CFAP92: variants seen among roughly 807,000 people sequenced by gnomAD.
CFAP92 encodes the protein cilia and flagella associated protein 92 (putative), also known as uncharacterized protein CFAP92.
In CFAP92, 86 loss-of-function variants were observed where a neutral mutation model predicts 106.3. The ratio of observed to expected loss-of-function variants is 0.81; its 90% CI spans 0.68 to 0.97. The LOEUF (loss-of-function observed/expected upper bound fraction) is 0.97. CFAP92 is among the 50% of genes least tolerant of loss of function. The probability of loss-of-function intolerance (pLI) is 0.00; values close to 1 mark genes in which losing one functional copy is unlikely to be tolerated. For missense variants in CFAP92, 1,204 were observed against 1,283.8 expected (o/e 0.94, Z 0.95); for synonymous variants, 477 against 506.4 (o/e 0.94, Z 0.78).
Position 128,945,509 on chromosome 3 carries a change from C to G in CFAP92, c.1820G>C (p.Gly607Ala). 6.5e-7 allele frequency: 1 copy of G among 1,536,160 alleles called. No individual in the cohort carries two copies. Among genetic ancestry groups the G allele is most frequent in the South Asian group, 1.2e-5 (1 of 84,066 alleles). ...GTGGCCATCTCTGGGGACCCCAAGC[C>G]CCACAACCTTCCTTCTCCTGCTGTC... is the stretch of plus-strand genomic sequence containing the variant. ...GQDSRRRKVV[G>A]LGVPRDGHQH... Residue 607 changes from glycine to alanine, a missense_variant, in exon 10 of 16, where the codon GGG (glycine) becomes GCG (alanine). Transcript: ENST00000645291.
chr3:128,964,606 T>C (rs968280353), intron 9 of CFAP92, among the ~76,000 whole-genome samples: 5 of 152,234 alleles, frequency 3.3e-5, no homozygotes, highest in Non-Finnish European at 7.3e-5. Flanking sequence ...TTAGGCACTC[T>C]CTAATCAGAT....
At chr3:128,986,048 A>C (rs13072370) in intron 4 of CFAP92, among the ~76,000 whole-genome samples, 22,726 of 152,108 alleles carry the variant, frequency 0.15, 2,232 homozygotes, top group East Asian at 0.56. Flanking sequence ...CCTGGACATA[A>C]ATGAAAGACT....
At chr3:128,943,696 T>C (rs1003562925) in intron 10 of CFAP92, among the ~76,000 whole-genome samples, 5 of 151,758 alleles carry the variant, frequency 3.3e-5, no homozygotes, top group Admixed American at 6.6e-5. Flanking sequence ...CCACCATGCC[T>C]GGGTAAGTTT....
chr3:128,921,306 A>G (rs796560538), intron 12 of CFAP92, among the ~76,000 whole-genome samples: 51 of 152,350 alleles, frequency 3.3e-4, no homozygotes, highest in African/African-American at 1.2e-3. Context: ...GAAGCTCAGC[A>G]GGAAAGCTGA....
rs535545604 is a variant in CFAP92 at position 128,963,063 on chromosome 3, G to A, written c.1353+2448C>T. On this transcript the variant is annotated intron_variant, in intron 9 of 15. Transcript: ENST00000645291. ...AGCAAATTACCTGGGCTGTACTGCC[G>A]CAAGGCTTCACAGACAGCCCCCATT... is the stretch of plus-strand genomic sequence containing the variant. 7.4e-4 allele frequency among the ~76,000 whole-genome samples: 112 copies of A among 152,280 alleles called. 1 individual carries two copies. The highest frequency in any genetic ancestry group is 3.7e-4 in the Non-Finnish European group (25 of 68,024).
chr3:128,943,103 T>C (rs1939824964), intron 10 of CFAP92, among the ~76,000 whole-genome samples: 1 of 151,920 alleles, frequency 6.6e-6, no homozygotes, highest in Non-Finnish European at 1.5e-5. Context: ...GTATTTTTAG[T>C]AGAGATGGGG....
rs114136232 is a variant in CFAP92, at chr3:128,982,487, G to A, written c.668-4302C>T. Among the ~76,000 whole-genome samples the A allele has an allele frequency of 5.4e-3, 821 of 152,246 alleles. 6 individuals are homozygous for A. Among genetic ancestry groups the A allele is most frequent in the African/African-American group, 0.019 (769 of 41,524 alleles). ...AAACTTCCTCTGTATCAGCTATAAGGCTGTTTCACTTTCTTATCATTCCTG... is the reference window on the plus strand; with the variant it reads ...AAACTTCCTCTGTATCAGCTATAAGACTGTTTCACTTTCTTATCATTCCTG... On this transcript the variant is annotated intron_variant, in intron 4 of 15. Coordinates refer to ENST00000645291, the MANE Select transcript of CFAP92 (RefSeq NM_001394090.1).
chr3:128,996,108 G>GC, upstream of CFAP92, among the ~76,000 whole-genome samples: 1 of 152,202 alleles, frequency 6.6e-6, no homozygotes, highest in Admixed American at 6.5e-5. Flanking sequence ...CAGCTAGCAT[G>GC]TTGTGAGGAA....
intron 7 of CFAP92, among the ~76,000 whole-genome samples, chr3:128,972,141 G>A (rs956651249): frequency 2.6e-5 from 4 of 152,094 alleles, no homozygotes; most frequent in African/African-American, 7.2e-5. Flanking sequence ...ATTACTTCAC[G>A]GCATATACAA....
chr3:128,972,549 T>C (rs985762729), intron 7 of CFAP92, among the ~76,000 whole-genome samples: 9 of 151,828 alleles, frequency 5.9e-5, no homozygotes, highest in African/African-American at 1.9e-4. Context: ...GCCTCTTTTT[T>C]CTTTTTTTTA....
intron 10 of CFAP92, 144 bp from the exon 11 acceptor site, chr3:128,935,463 G>C (rs972375760): frequency 3.8e-6 from 2 of 519,618 alleles, no homozygotes; most frequent in Non-Finnish European, 6.7e-6. Flanking sequence ...TATAATCCCA[G>C]CACTTTGGGA....
chr3:128,911,289 C>T (rs1018576480), intron 15 of CFAP92, among the ~76,000 whole-genome samples: 1 of 152,104 alleles, frequency 6.6e-6, no homozygotes, highest in African/African-American at 2.4e-5. Flanking sequence ...AACTCCTGAC[C>T]TCAGGTGATC....
intron 9 of CFAP92, among the ~76,000 whole-genome samples, chr3:128,962,373 T>C (rs1247663477): frequency 6.6e-6 from 1 of 152,180 alleles, no homozygotes; most frequent in Non-Finnish European, 1.5e-5. Flanking sequence ...CTAAACCTCT[T>C]AAAACTCCCC....
At position 128,910,794 on chromosome 3, in the gene CFAP92, C is replaced by A. The variant is rs1409140120; in HGVS notation, c.3281-461G>T. 3.7e-6 allele frequency: 6 copies of A among 1,614,204 alleles called. No homozygotes were observed. Among genetic ancestry groups the A allele is most frequent in the Non-Finnish European group, 1.7e-6 (2 of 1,180,046 alleles). ...AAGCTTACTTGCAGAATCTCTTCAG[C>A]CTCTCTCAGCTGGACAAGTGTGAGT... On this transcript the variant is annotated intron_variant, in intron 15 of 15. Transcript: ENST00000645291.
At chr3:128,913,477 T>TTACACCAGGTCCCAGCG (rs146809759) in intron 15 of CFAP92, among the ~76,000 whole-genome samples, 21,660 of 151,870 alleles carry the variant, frequency 0.14, 1,618 homozygotes, top group South Asian at 0.17. Context: ...ACTTGAAAGA[T>TTACACCAGGTCCCAGCG]TACACCAGGT....
chr3:129,010,217 G>A, the CFAP92 span, among the ~76,000 whole-genome samples: 1 of 152,228 alleles, frequency 6.6e-6, no homozygotes, highest in Non-Finnish European at 1.5e-5. The surrounding 1 kb of genome is among the most constrained non-coding windows in gnomAD (Gnocchi z 4.3). Flanking sequence ...GGTCTCTGGT[G>A]GGTTTGTGAC....
intron 7 of CFAP92, among the ~76,000 whole-genome samples, chr3:128,975,235 C>T (rs916701972): frequency 1.3e-5 from 2 of 152,132 alleles, no homozygotes; most frequent in African/African-American, 4.8e-5. Context: ...CTACCCATAC[C>T]ACAACATCTA....
chr3:128,956,915 C>T (rs571447588), intron 9 of CFAP92, among the ~76,000 whole-genome samples: 102 of 143,930 alleles, frequency 7.1e-4, no homozygotes, highest in African/African-American at 2.6e-3. Context: ...AGGAGGCAGA[C>T]GTTGCAGTGA....
At chr3:128,946,358 T>C (rs1263620268) in intron 9 of CFAP92, among the ~76,000 whole-genome samples, 1 of 152,158 alleles carries the variant, frequency 6.6e-6, no homozygotes, top group African/African-American at 2.4e-5. Flanking sequence ...ATCTCTGTTT[T>C]CCAAATATAT....
Sources: gnomAD v4.1 joint callset for allele counts (sites outside exome capture counted in the v4.1 genomes callset) on GRCh38, gnomAD v4.1.1 for gene constraint, Gnocchi (gnomAD v3.1) non-coding constraint, MANE v1.5 for transcripts, NCBI Gene and HGNC (gene_info 2026-07-23, HGNC 2026-07-21) for gene names.